Variants in SUPT3H observed in about 807,000 individuals in gnomAD.
SUPT3H encodes transcription initiation protein SPT3 homolog.
SUPT3H carries 44 observed loss-of-function variants against 44.3 expected under a neutral mutation model. That is an observed-to-expected ratio of 0.99 (90% confidence interval 0.78 to 1.28). SUPT3H has a LOEUF of 1.28. Among genes scored for constraint, SUPT3H ranks in the 50% most tolerant of loss-of-function variants. The probability of loss-of-function intolerance (pLI) is 0.00; values close to 1 mark genes in which losing one functional copy is unlikely to be tolerated. For synonymous variants in SUPT3H, 124 were observed against 125.6 expected (o/e 0.99, Z 0.09); for missense variants, 380 against 387.1 (o/e 0.98, Z 0.15).
chr6:45,019,166 T>A (rs1291534322), intron 4 of SUPT3H, among the ~76,000 whole-genome samples: 6 of 152,146 alleles, frequency 3.9e-5, no homozygotes, highest in Non-Finnish European at 7.4e-5. Flanking sequence ...TGATGGTAGT[T>A]TGTATTTCTG....
intron 1 of SUPT3H, chr6:45,377,488 C>G (rs1056588758): frequency 5.9e-5 from 9 of 152,270 alleles, no homozygotes; most frequent in East Asian, 1.9e-4. Flanking sequence ...CCCAGCCCCC[C>G]TCACCCCACG....
rs573635430 is a variant in SUPT3H, at chr6:45,236,698, G to A, written c.101+128503C>T. On this transcript the variant is annotated intron_variant, in intron 2 of 10. Coordinates refer to ENST00000371459, the MANE Select transcript of SUPT3H (RefSeq NM_003599.4). ...CAGGCAGGAATCCAGCAAGCTAGAA[G>A]AGAGGGTGATTTAGAGGCTTGGCAG... 4.6e-5 allele frequency among the ~76,000 whole-genome samples: 7 copies of A among 152,194 alleles called. No homozygotes were observed. The East Asian group carries it at 1.4e-3, about 29-fold the overall frequency.
chr6:45,317,227 CAAAAAAAAAAAA>C (rs70996324), intron 2 of SUPT3H, among the ~76,000 whole-genome samples: 27 of 36,094 alleles, frequency 7.5e-4, no homozygotes, highest in African/African-American at 2.7e-3. Context: ...GACTCTGTCT[CAAAAAAAAAAAA>C]AAAAAAAAAA....
intron 2 of SUPT3H, among the ~76,000 whole-genome samples, chr6:45,198,450 T>C (rs1562669745): frequency 6.6e-6 from 1 of 151,384 alleles, no homozygotes; most frequent in African/African-American, 2.4e-5. Flanking sequence ...TACTTTGTTA[T>C]ATCTTTAGGT....
intron 2 of SUPT3H, among the ~76,000 whole-genome samples, chr6:45,218,823 C>T (rs1014762550): frequency 6.6e-6 from 1 of 152,220 alleles, no homozygotes; most frequent in African/African-American, 2.4e-5. Context: ...ACAAATACTA[C>T]ACCAGAAAAA....
At chr6:45,246,914 T>C (rs904548889) in intron 2 of SUPT3H, among the ~76,000 whole-genome samples, 1 of 152,132 alleles carries the variant, frequency 6.6e-6, no homozygotes, top group Non-Finnish European at 1.5e-5. Context: ...CCTTCCCTCT[T>C]AAGAAACTAA....
chr6:45,030,291 A>G (rs1312341254), intron 3 of SUPT3H, among the ~76,000 whole-genome samples: 2 of 152,114 alleles, frequency 1.3e-5, no homozygotes, highest in East Asian at 1.9e-4. Flanking sequence ...GAACCATAAG[A>G]TATTTTGGTT....
intron 2 of SUPT3H, among the ~76,000 whole-genome samples, chr6:45,259,135 T>C (rs1773911490): frequency 6.6e-6 from 1 of 152,132 alleles, no homozygotes; most frequent in Non-Finnish European, 1.5e-5. Flanking sequence ...GCAGTACACT[T>C]TAGCATTTGC....
At chr6:44,907,424 C>A (rs1766284968) in intron 10 of SUPT3H, among the ~76,000 whole-genome samples, 1 of 152,170 alleles carries the variant, frequency 6.6e-6, no homozygotes, top group African/African-American at 2.4e-5. Flanking sequence ...TGCCTGTAAT[C>A]CCGACACTTT....
chr6:45,063,359 GA>G (rs1464836890), intron 3 of SUPT3H, among the ~76,000 whole-genome samples: 2 of 151,268 alleles, frequency 1.3e-5, no homozygotes, highest in East Asian at 3.9e-4. Flanking sequence ...CAAAGATGGG[GA>G]AAAAACAGAA....
intron 2 of SUPT3H, among the ~76,000 whole-genome samples, chr6:45,130,700 A>AC (rs1379390322): frequency 3.7e-5 from 5 of 134,606 alleles, no homozygotes; most frequent in Non-Finnish European, 8.3e-5. Flanking sequence ...AAAAAAACAA[A>AC]AAAAAAAACC....
chr6:45,205,036 A>T (rs1429216794), intron 2 of SUPT3H, among the ~76,000 whole-genome samples: 1 of 152,166 alleles, frequency 6.6e-6, no homozygotes, highest in Non-Finnish European at 1.5e-5. Flanking sequence ...TTTCATTTTA[A>T]CTATAGAAAT....
At chr6:44,927,797 C>G (rs1272958090) in intron 10 of SUPT3H, among the ~76,000 whole-genome samples, 1 of 152,058 alleles carries the variant, frequency 6.6e-6, no homozygotes, top group Non-Finnish European at 1.5e-5. Flanking sequence ...CATAAACAAA[C>G]CACATTATTA....
intron 2 of SUPT3H, among the ~76,000 whole-genome samples, chr6:45,291,641 G>A (rs1337078206): frequency 2.6e-5 from 4 of 152,068 alleles, no homozygotes; most frequent in Admixed American, 1.3e-4. Flanking sequence ...TCATAGAAAC[G>A]CAAAATGCTC....
intron 10 of SUPT3H, among the ~76,000 whole-genome samples, chr6:44,834,239 A>G (rs1203106221): frequency 6.6e-6 from 1 of 152,234 alleles, no homozygotes; most frequent in East Asian, 1.9e-4. Flanking sequence ...GAACATTTTC[A>G]GAATCTGTCA....
intron 10 of SUPT3H, among the ~76,000 whole-genome samples, chr6:44,856,267 C>G (rs1211180173): frequency 6.6e-6 from 1 of 152,164 alleles, no homozygotes; most frequent in Admixed American, 6.5e-5. Flanking sequence ...CTCCTGCAGT[C>G]AAATGTGGCC....
intron 10 of SUPT3H, among the ~76,000 whole-genome samples, chr6:44,865,019 T>C (rs1561914034): frequency 1.3e-5 from 2 of 152,236 alleles, no homozygotes; most frequent in African/African-American, 4.8e-5. Context: ...TTGAATACTT[T>C]GCAGGTTAGA....
At chr6:44,932,826 T>C (rs1207943989) in intron 9 of SUPT3H, 63 bp from the exon 10 acceptor site, 1 of 1,106,096 alleles carries the variant, frequency 9.0e-7, no homozygotes, top group Non-Finnish European at 1.3e-6. Flanking sequence ...CTACAGTGTA[T>C]AAATATGAAA....
At position 45,237,223 on chromosome 6, in the gene SUPT3H, G is replaced by A. The variant is rs1562763870; in HGVS notation, c.101+127978C>T. ...TCAGAGAAAGAAATTTAAAGGTTCA[G>A]TAGATACAGGAGTGGACATTTCAAT... On this transcript the variant is annotated intron_variant, in intron 2 of 10. Transcript: ENST00000371459. Among the ~76,000 whole-genome samples, 3 of 152,322 alleles carry A rather than the reference G, an allele frequency of 2.0e-5. No individual in the cohort carries two copies. The South Asian group carries it at 6.2e-4, about 32-fold the overall frequency.
Sources: allele counts gnomAD v4.1 joint callset (sites outside exome capture counted in the v4.1 genomes callset), GRCh38; gene constraint gnomAD v4.1.1; transcripts MANE v1.5; gene names NCBI Gene and HGNC (gene_info 2026-07-23, HGNC 2026-07-21).